Variants in NAALADL2 observed in about 807,000 individuals in gnomAD.
NAALADL2 encodes N-acetylated alpha-linked acidic dipeptidase like 2.
Under a neutral mutation model 87.2 loss-of-function variants are expected in NAALADL2, and 76 were observed. The ratio of observed to expected loss-of-function variants is 0.87; its 90% CI spans 0.72 to 1.05. The LOEUF is 1.05. Ranked by LOEUF, NAALADL2 falls within the 50% of genes least tolerant of loss-of-function variation. The pLI is 0.00. For synonymous variants in NAALADL2, 354 were observed against 331.0 expected, an observed-to-expected ratio of 1.07 and a Z score of -0.75; for missense variants, 1,089 against 945.8, an observed-to-expected ratio of 1.15 and a Z score of -1.99.
At chr3:175,330,814 G>A (rs1034876361) in intron 5 of NAALADL2, among the ~76,000 whole-genome samples, 3 of 151,850 alleles carry the variant, frequency 2.0e-5, no homozygotes, top group Non-Finnish European at 4.4e-5. Context: ...TATCAGAGTA[G>A]AACTAAAGGA....
chr3:174,619,693 C>T (rs1560097639), intron 2 of NAALADL2, among the ~76,000 whole-genome samples: 1 of 151,912 alleles, frequency 6.6e-6, no homozygotes, highest in Non-Finnish European at 1.5e-5. Context: ...GTTTTCAAAG[C>T]GTCCTAACTG....
Position 175,113,454 on chromosome 3 carries a change from C to A in NAALADL2, c.545+16163C>A, listed in dbSNP as rs149375223. 4.5e-4 allele frequency among the ~76,000 whole-genome samples: 68 copies of A among 151,612 alleles called. 1 individual carries two copies. The East Asian group carries it at 7.0e-3, about 16-fold the overall frequency. ...CTAAAATTCTTAGGTTTTAGAATAA[C>A]AGCATCTGTGTCAGTTTTTCTTGCT... On this transcript the variant is annotated intron_variant, in intron 2 of 13. Transcript: ENST00000454872.
intron 2 of NAALADL2, among the ~76,000 whole-genome samples, chr3:174,608,720 A>C (rs1203367313): frequency 6.7e-6 from 1 of 149,814 alleles, no homozygotes; most frequent in Non-Finnish European, 1.5e-5. Context: ...TCACAGCCGA[A>C]TTCTACCAGA....
chr3:175,119,692 T>TATATAG (rs1553779279), intron 2 of NAALADL2, among the ~76,000 whole-genome samples: 3,129 of 145,304 alleles, frequency 0.022, 58 homozygotes, highest in Admixed American at 0.031. Context: ...AAGGTGTGTA[T>TATATAG]ATATAGATAT....
In NAALADL2 at chr3:175,264,153, A is replaced by G. The variant is rs111765660; in HGVS notation, c.939+7623A>G. Among the ~76,000 whole-genome samples, 1,169 of 151,956 alleles carry G rather than the reference A, an allele frequency of 7.7e-3. 12 individuals carry two copies. Among genetic ancestry groups the G allele is most frequent in the African/African-American group, 0.027 (1,105 of 41,530 alleles). ...TGCAAGAATGGGAGAAACAAGCTCA[A>G]TTTCAAGCTCTTCTACTTCATAGTT... is the stretch of plus-strand genomic sequence containing the variant. On this transcript the variant is annotated intron_variant, in intron 4 of 13. Coordinates refer to ENST00000454872, the MANE Select transcript of NAALADL2 (RefSeq NM_207015.3).
At position 175,217,816 on chromosome 3, in the gene NAALADL2, C is replaced by T. The variant is rs112043339; in HGVS notation, c.546-16115C>T. Among the ~76,000 whole-genome samples the T allele has an allele frequency of 9.2e-3, 1,405 of 152,256 alleles. 16 individuals carry two copies. The highest frequency in any genetic ancestry group is 0.014 in the Non-Finnish European group (950 of 68,026). Reference sequence around the variant, plus strand: ...CAGGCTCTAAAGAATTAAATCATTTCCCTTGAAAATTGGCTTGAGTTTTGT... The same window carrying T: ...CAGGCTCTAAAGAATTAAATCATTTTCCTTGAAAATTGGCTTGAGTTTTGT... On this transcript the variant is annotated intron_variant, in intron 2 of 13. Transcript: ENST00000454872.
At chr3:175,509,278 G>GC (rs890642357) in intron 9 of NAALADL2, among the ~76,000 whole-genome samples, 17 of 152,224 alleles carry the variant, frequency 1.1e-4, no homozygotes, top group African/African-American at 4.1e-4. Context: ...ATCCTCAGGT[G>GC]CCCCACAAGA....
intron 3 of NAALADL2, among the ~76,000 whole-genome samples, chr3:175,247,115 C>A (rs1229749248): frequency 2.0e-5 from 3 of 152,124 alleles, no homozygotes; most frequent in African/African-American, 7.2e-5. Flanking sequence ...AAGCTATTAA[C>A]CATTTAACTG....
chr3:175,679,211 G>A (rs1185492465), intron 11 of NAALADL2, among the ~76,000 whole-genome samples: 5 of 151,548 alleles, frequency 3.3e-5, no homozygotes, highest in South Asian at 2.1e-4. Flanking sequence ...TGCAGGTCAC[G>A]GGATATGATG....
At chr3:175,633,919 G>T (rs1314943561) in intron 11 of NAALADL2, among the ~76,000 whole-genome samples, 1 of 151,594 alleles carries the variant, frequency 6.6e-6, no homozygotes, top group Admixed American at 6.6e-5. Flanking sequence ...ACATGACAAA[G>T]AAAAAGTAGT....
intron 9 of NAALADL2, among the ~76,000 whole-genome samples, chr3:175,523,871 A>G (rs1165844248): frequency 1.3e-5 from 2 of 152,254 alleles, no homozygotes; most frequent in Non-Finnish European, 2.9e-5. Flanking sequence ...GTTTAAAAGT[A>G]GAAGACAAAG....
chr3:174,462,306 A>G (rs1317875841), intron 1 of NAALADL2, among the ~76,000 whole-genome samples: 1 of 152,118 alleles, frequency 6.6e-6, no homozygotes, highest in Admixed American at 6.6e-5. Context: ...CATTGTGTAT[A>G]ATGATGTAGC....
intron 1 of NAALADL2, among the ~76,000 whole-genome samples, chr3:174,925,706 A>G (rs181704356): frequency 1.0e-3 from 157 of 152,202 alleles, no homozygotes; most frequent in African/African-American, 3.2e-3. Flanking sequence ...CTATCCATGA[A>G]CATGGAATGT....
At chr3:175,068,564 C>T (rs560572416) in intron 1 of NAALADL2, among the ~76,000 whole-genome samples, 34 of 152,118 alleles carry the variant, frequency 2.2e-4, no homozygotes, top group South Asian at 1.2e-3. Flanking sequence ...CTTGGGAGGA[C>T]GTCTCTTGGG....
chr3:174,775,671 A>C (rs1715123284), intron 3 of NAALADL2, among the ~76,000 whole-genome samples: 1 of 151,984 alleles, frequency 6.6e-6, no homozygotes, highest in Non-Finnish European at 1.5e-5. Context: ...ATCTCCCCAC[A>C]GGGTCCTCCA....
At chr3:174,463,991 A>G (rs1220604381) in intron 1 of NAALADL2, among the ~76,000 whole-genome samples, 1 of 152,144 alleles carries the variant, frequency 6.6e-6, no homozygotes, top group Non-Finnish European at 1.5e-5. Context: ...ATTGAAGAAC[A>G]TGAAGTAAAG....
chr3:175,185,030 C>T (rs9290544), intron 2 of NAALADL2, among the ~76,000 whole-genome samples: 1 of 151,988 alleles, frequency 6.6e-6, no homozygotes, highest in African/African-American at 2.4e-5. Context: ...TGAGAGATAG[C>T]AAAATTATTT....
At chr3:175,588,534 CTTTTTT>C (rs1168817019) in intron 10 of NAALADL2, among the ~76,000 whole-genome samples, 19 of 78,142 alleles carry the variant, frequency 2.4e-4, no homozygotes, top group Non-Finnish European at 2.1e-4. Context: ...TCTTTCTTTT[CTTTTTT>C]TTTTTTTTTT....
At chr3:175,700,665 C>T (rs1738866327) in intron 11 of NAALADL2, among the ~76,000 whole-genome samples, 2 of 152,030 alleles carry the variant, frequency 1.3e-5, no homozygotes, top group Non-Finnish European at 2.9e-5. Context: ...TTTAGAGCAA[C>T]TTAAAAAGTC....
Sources: gnomAD v4.1 joint callset for allele counts (sites outside exome capture counted in the v4.1 genomes callset) on GRCh38, gnomAD v4.1.1 for gene constraint, MANE v1.5 for transcripts, NCBI Gene and HGNC (gene_info 2026-07-23, HGNC 2026-07-21) for gene names.